COA8: variants seen among roughly 807,000 people sequenced by gnomAD.
COA8 encodes the protein cytochrome c oxidase assembly factor 8, also known as UPF0671 protein C14orf153.
In COA8, 20 loss-of-function variants were observed where a neutral mutation model predicts 22.0. That is an observed-to-expected ratio of 0.91 (90% CI 0.64 to 1.32). COA8 has a LOEUF of 1.32. Among genes scored for constraint, COA8 ranks in the 40% most tolerant of loss-of-function variants. The pLI is 0.00. For missense variants in COA8, 266 were observed against 230.0 expected (o/e 1.16, Z -1.01); for synonymous variants, 105 against 79.9 (o/e 1.31, Z -1.68).
At chr14:103,566,514 G>T (rs1187833844) in intron 1 of COA8, among the ~76,000 whole-genome samples, 1 of 152,226 alleles carries the variant, frequency 6.6e-6, no homozygotes, top group Non-Finnish European at 1.5e-5. Context: ...CTGTATTGTG[G>T]TGCTTAAAAC....
chr14:103,572,459 G>T (rs745673967), intron 2 of COA8, among the ~76,000 whole-genome samples: 1 of 152,094 alleles, frequency 6.6e-6, no homozygotes, highest in African/African-American at 2.4e-5. Context: ...TTTAGGTGGG[G>T]CATGATGGCT....
chr14:103,577,174 A>G (rs1401745687), intron 3 of COA8, among the ~76,000 whole-genome samples: 1 of 152,006 alleles, frequency 6.6e-6, no homozygotes, highest in Non-Finnish European at 1.5e-5. Context: ...GGTTCAAGCA[A>G]TTCTCCTGTC....
At chr14:103,575,158 G>A (rs181065218) in intron 3 of COA8, among the ~76,000 whole-genome samples, 2 of 152,388 alleles carry the variant, frequency 1.3e-5, no homozygotes, top group South Asian at 2.1e-4. Flanking sequence ...GTACGTGCAC[G>A]TGTGTACATG....
Position 103,562,982 on chromosome 14 carries a change from G to A in COA8, c.-20G>A. 6.5e-7 allele frequency: 1 copy of A among 1,530,204 alleles called. No homozygotes were observed. Among genetic ancestry groups the A allele is most frequent in the African/African-American group, 1.4e-5 (1 of 71,670 alleles). 94.8% of individuals were successfully genotyped at this position (1,530,204 alleles called of 1,614,324 possible). A position where few individuals can be genotyped will look rare whatever the true frequency, so the allele number is the denominator to read the frequency against. The stretch of plus-strand genomic sequence containing the variant: ...GTCGCAATGCTGCCGTGCGCCGCGG[G>A]AGCCAGGGGGCGTGGGGCCATGGTG... On this transcript the variant is annotated 5_prime_UTR_variant, in exon 1 of 5. Coordinates refer to ENST00000409074, the MANE Select transcript of COA8 (RefSeq NM_001370595.2).
intron 3 of COA8, among the ~76,000 whole-genome samples, chr14:103,579,700 C>T (rs565282495): frequency 1.3e-5 from 2 of 151,514 alleles, no homozygotes; most frequent in South Asian, 2.1e-4. Flanking sequence ...CGGTGGCTCA[C>T]GCCTGTAATC....
chr14:103,585,577 C>CTTTTT (rs143878801), intron 3 of COA8, among the ~76,000 whole-genome samples: 8 of 128,564 alleles, frequency 6.2e-5, no homozygotes, highest in Admixed American at 1.7e-4. Context: ...GGTTTTTTCT[C>CTTTTT]TTTTTTTTTT....
intron 3 of COA8, among the ~76,000 whole-genome samples, chr14:103,575,723 A>T (rs929167917): frequency 1.3e-5 from 2 of 152,150 alleles, no homozygotes; most frequent in South Asian, 2.1e-4. Flanking sequence ...TTCTTGAGTC[A>T]GGGTCTCACT....
At chr14:103,577,205 G>A (rs1595143701) in intron 3 of COA8, among the ~76,000 whole-genome samples, 1 of 152,034 alleles carries the variant, frequency 6.6e-6, no homozygotes, top group Non-Finnish European at 1.5e-5. Context: ...AAGTAGCTGG[G>A]ATTATAGGCA....
intron 1 of COA8, 61 bp downstream of exon 1, chr14:103,563,185 G>C: frequency 6.7e-7 from 1 of 1,498,754 alleles, no homozygotes; most frequent in South Asian, 1.2e-5. Context: ...GACAAACCCG[G>C]GCCTCGGGGC....
rs573653215 is a variant in COA8, at chr14:103,567,986, G to A, written c.124-3637G>A. On this transcript the variant is annotated intron_variant, in intron 1 of 4. Transcript: ENST00000409074. ...TATCCTTCTTTTATATTGCTGGATC[G>A]GGTTTGCGGATTTGTCTAGCATCCA... Among the ~76,000 whole-genome samples, 6 of 152,188 alleles carry A rather than the reference G, an allele frequency of 3.9e-5. No homozygotes were observed. The South Asian group carries it at 1.2e-3, about 32-fold the overall frequency.
At chr14:103,574,371 CT>C (rs1319140983) in intron 3 of COA8, 3 of 744,630 alleles carry the variant, frequency 4.0e-6, no homozygotes, top group African/African-American at 3.5e-5. Flanking sequence ...CAGCTCCCTC[CT>C]TTCTCTCCGG....
intron 1 of COA8, among the ~76,000 whole-genome samples, chr14:103,567,696 C>G (rs1234561679): frequency 1.3e-5 from 2 of 152,164 alleles, no homozygotes; most frequent in African/African-American, 2.4e-5. Context: ...CACAAATCAT[C>G]TTTAGACAAA....
At chr14:103,588,309 G>A (rs910461221) in intron 4 of COA8, 2 of 396,968 alleles carry the variant, frequency 5.0e-6, no homozygotes, top group Non-Finnish European at 8.9e-6. Context: ...GAGTCCAGGA[G>A]TTCAAGACCA....
chr14:103,581,726 G>A lies in COA8; in HGVS notation c.386-5548G>A, dbSNP rs2076268640. 2.5e-6 allele frequency: 1 copy of A among 398,056 alleles called. No homozygotes were observed. The highest frequency in any genetic ancestry group is 2.1e-5 in the African/African-American group (1 of 48,748). The allele number at this position is 398,056 out of a possible 1,614,324, so 24.7% of individuals were successfully genotyped here. On this transcript the variant is annotated intron_variant, in intron 3 of 4. Transcript: ENST00000409074. This position sits in a 1 kb window ranked among gnomAD's most constrained non-coding sequence, Gnocchi z 4.1. ...GACGTAGGAAATGGCAGAACTGAAGGGAAAAGCAGAGCAGGGGGCTGTAGA... is the reference window on the plus strand; with the variant it reads ...GACGTAGGAAATGGCAGAACTGAAGAGAAAAGCAGAGCAGGGGGCTGTAGA...
intron 3 of COA8, among the ~76,000 whole-genome samples, chr14:103,579,685 G>A (rs1405661476): frequency 1.3e-5 from 2 of 151,434 alleles, no homozygotes; most frequent in African/African-American, 4.8e-5. Context: ...CATAACGGCC[G>A]GGCACGGTGG....
intron 1 of COA8, among the ~76,000 whole-genome samples, chr14:103,564,620 C>T (rs530588114): frequency 1.4e-5 from 2 of 140,546 alleles, no homozygotes; most frequent in East Asian, 4.2e-4. Flanking sequence ...CCCTCTGTCG[C>T]CCAGGTGGGA....
rs545876861 is a variant in COA8 at position 103,581,413 on chromosome 14, G to A, written c.386-5861G>A. Among the ~76,000 whole-genome samples the A allele has an allele frequency of 1.1e-4, 17 of 152,120 alleles. No individual in the cohort carries two copies. The highest frequency in any genetic ancestry group is 1.8e-4 in the Non-Finnish European group (12 of 67,992). ...CTGCTGAGTAACTAACGAGTGGGGC[G>A]CGTCTACACTGTGGAGGTGCTGGAC... On this transcript the variant is annotated intron_variant, in intron 3 of 4. Coordinates refer to ENST00000409074, the MANE Select transcript of COA8 (RefSeq NM_001370595.2). The surrounding 1 kb of genome is among the most constrained non-coding windows in gnomAD (Gnocchi z 4.1).
chr14:103,574,414 C>G (rs1334952431), intron 3 of COA8: 2 of 652,828 alleles, frequency 3.1e-6, no homozygotes, highest in Admixed American at 2.1e-5. Context: ...TGACCAACCT[C>G]TGACCTTTGA....
intron 1 of COA8, among the ~76,000 whole-genome samples, chr14:103,570,647 C>T (rs542197963): frequency 1.3e-5 from 2 of 152,136 alleles, no homozygotes; most frequent in Admixed American, 1.3e-4. Context: ...GCAGGAGAAT[C>T]GCTTGAACCC....
Sources: allele counts gnomAD v4.1 joint callset (sites outside exome capture counted in the v4.1 genomes callset), GRCh38; gene constraint gnomAD v4.1.1; non-coding constraint Gnocchi (gnomAD v3.1); transcripts MANE v1.5; gene names NCBI Gene and HGNC (gene_info 2026-07-23, HGNC 2026-07-21).